Variants in FAAH2 observed in about 807,000 individuals in gnomAD.
FAAH2 encodes the protein fatty-acid amide hydrolase 2.
FAAH2 carries 60 observed loss-of-function variants against 36.9 expected under a neutral mutation model. The ratio of observed to expected loss-of-function variants is 1.63; its 90% CI spans 1.32 to 2.02. FAAH2 has a LOEUF of 2.02. Among genes scored for constraint, FAAH2 ranks in the 30% most tolerant of loss-of-function variants. The probability of loss-of-function intolerance (pLI) is 0.00; values close to 1 mark genes in which losing one functional copy is unlikely to be tolerated. For synonymous variants in FAAH2, 214 were observed against 143.8 expected (o/e 1.49, Z -3.49); for missense variants, 689 against 397.5 (o/e 1.73, Z -6.23).
chrX:57,199,462 A>AT, the FAAH2 span, among the ~76,000 whole-genome samples: 1 of 111,112 alleles, frequency 9.0e-6, no homozygotes, highest in African/African-American at 3.3e-5. Flanking sequence ...TATTATCTCG[A>AT]TTTTTTGAAT....
chrX:57,314,476 A>C (rs141983639), intron 3 of FAAH2, among the ~76,000 whole-genome samples: 13 of 111,765 alleles, frequency 1.2e-4, no homozygotes, highest in Non-Finnish European at 2.3e-4. Flanking sequence ...CTACACGGTC[A>C]GTCATACTTC....
At chrX:57,478,548 A>G (rs971270949) in intron 10 of FAAH2, among the ~76,000 whole-genome samples, 7 of 111,992 alleles carry the variant, frequency 6.3e-5, no homozygotes, top group African/African-American at 1.9e-4. Context: ...TGTTTTAGAC[A>G]TGATGTCCTT....
At chrX:57,142,049 A>G in the FAAH2 span, among the ~76,000 whole-genome samples, 1 of 111,476 alleles carries the variant, frequency 9.0e-6, no homozygotes, top group East Asian at 2.8e-4. Flanking sequence ...CATGTTTTCA[A>G]AAAGCCAGCT....
chrX:57,431,613 C>T (rs1469854846), intron 7 of FAAH2, among the ~76,000 whole-genome samples: 3 of 110,741 alleles, frequency 2.7e-5, no homozygotes, highest in Non-Finnish European at 3.8e-5. Flanking sequence ...ACACTCAGTG[C>T]TGTGTTAGAG....
At chrX:57,272,186 A>T in the FAAH2 span, among the ~76,000 whole-genome samples, 2 of 107,792 alleles carry the variant, frequency 1.9e-5, no homozygotes, top group African/African-American at 3.4e-5. Context: ...ATAAAGAGAG[A>T]AGACAAGATC....
At chrX:57,157,369 T>C in the FAAH2 span, among the ~76,000 whole-genome samples, 4 of 111,866 alleles carry the variant, frequency 3.6e-5, no homozygotes. Context: ...AGTCAGGCAA[T>C]GGCAAATTGG....
intron 5 of FAAH2, among the ~76,000 whole-genome samples, chrX:57,373,992 A>G (rs1265512420): frequency 1.8e-5 from 2 of 110,877 alleles, no homozygotes; most frequent in East Asian, 5.7e-4. Flanking sequence ...TTCCCACTTT[A>G]GGTTTTTGTT....
the FAAH2 span, among the ~76,000 whole-genome samples, chrX:57,205,759 G>C: frequency 8.9e-6 from 1 of 112,147 alleles, no homozygotes; most frequent in East Asian, 2.8e-4. Context: ...TTCAAAAATT[G>C]AAACAGTTTC....
intron 7 of FAAH2, among the ~76,000 whole-genome samples, chrX:57,385,085 A>G (rs1381219698): frequency 2.7e-5 from 3 of 110,228 alleles, no homozygotes; most frequent in Non-Finnish European, 5.7e-5. Context: ...TACAATGAGA[A>G]TACTTGGACA....
chrX:57,261,570 A>AG, the FAAH2 span, among the ~76,000 whole-genome samples: 2 of 107,880 alleles, frequency 1.9e-5, no homozygotes, highest in African/African-American at 3.3e-5. Context: ...AAAAAAAAAA[A>AG]AAAAAGAAAA....
chrX:57,485,801 T>A (rs1411240080), intron 10 of FAAH2, among the ~76,000 whole-genome samples: 1 of 112,207 alleles, frequency 8.9e-6, no homozygotes, highest in Non-Finnish European at 1.9e-5. Context: ...TTTGTAATTT[T>A]TGTGTTCTTG....
intron 10 of FAAH2, among the ~76,000 whole-genome samples, chrX:57,477,641 C>T (rs1181411731): frequency 5.1e-5 from 5 of 97,497 alleles, no homozygotes; most frequent in Non-Finnish European, 8.3e-5. Flanking sequence ...CCTCCCCGCT[C>T]CCCCAACCCC....
At chrX:57,250,114 G>A in the FAAH2 span, among the ~76,000 whole-genome samples, 2 of 111,819 alleles carry the variant, frequency 1.8e-5, no homozygotes, top group Non-Finnish European at 3.8e-5. Flanking sequence ...ACATATCCTT[G>A]CAAAAGTGAT....
chrX:57,310,495 G>A (rs2052661829), intron 2 of FAAH2, 98 bp from the exon 3 acceptor site: 1 of 946,759 alleles, frequency 1.1e-6, no homozygotes, highest in South Asian at 2.9e-5. Flanking sequence ...ACTTTAATAT[G>A]TTGATTACAT....
chrX:57,131,083 T>C, the FAAH2 span, among the ~76,000 whole-genome samples: 3 of 103,901 alleles, frequency 2.9e-5, no homozygotes, highest in Non-Finnish European at 5.9e-5. Context: ...CTATTTCTTT[T>C]TTTTTTTTTT....
At chrX:57,380,049 A>G (rs974590278) in intron 6 of FAAH2, among the ~76,000 whole-genome samples, 14 of 111,071 alleles carry the variant, frequency 1.3e-4, no homozygotes, top group African/African-American at 4.3e-4. Flanking sequence ...CATGTAATGC[A>G]TAATAATCGC....
At chrX:57,162,479 C>A in the FAAH2 span, among the ~76,000 whole-genome samples, 1 of 111,894 alleles carries the variant, frequency 8.9e-6, no homozygotes, top group African/African-American at 3.2e-5. Flanking sequence ...TCCATTCTCC[C>A]CATCACTTTC....
the FAAH2 span, among the ~76,000 whole-genome samples, chrX:57,249,409 G>A: frequency 8.9e-6 from 1 of 112,052 alleles, no homozygotes; most frequent in South Asian, 3.7e-4. Flanking sequence ...CACACACCTT[G>A]TTCCAGGGCC....
chrX:57,464,245 G>A (rs1002440223), intron 10 of FAAH2, among the ~76,000 whole-genome samples: 3 of 110,323 alleles, frequency 2.7e-5, no homozygotes, highest in Admixed American at 9.7e-5. Flanking sequence ...ATCACATACC[G>A]TGGCCTATTA....
Sources: allele counts gnomAD v4.1 joint callset (sites outside exome capture counted in the v4.1 genomes callset), GRCh38; gene constraint gnomAD v4.1.1; transcripts MANE v1.5; gene names NCBI Gene and HGNC (gene_info 2026-07-23, HGNC 2026-07-21).